The following UBAC2 variants were observed in gnomAD, a reference collection of about 807,000 sequenced individuals.
UBAC2 encodes ubiquitin-associated domain-containing protein 2.
UBAC2 carries 26 observed loss-of-function variants against 44.0 expected under a neutral mutation model. The ratio of observed to expected loss-of-function variants is 0.59; its 90% CI spans 0.43 to 0.82. The LOEUF is 0.82. Among genes scored for constraint, UBAC2 ranks in the 40% least tolerant of loss-of-function variants. The pLI, the probability that UBAC2 is intolerant of heterozygous loss-of-function variation, is 0.00. For synonymous variants in UBAC2, 155 were observed against 154.3 expected, an observed-to-expected ratio of 1.00 and a Z score of -0.04; for missense variants, 329 against 419.4, an observed-to-expected ratio of 0.78 and a Z score of 1.88.
intron 7 of UBAC2, among the ~76,000 whole-genome samples, chr13:99,359,537 T>C (rs1048494591): frequency 6.6e-6 from 1 of 152,192 alleles, no homozygotes; most frequent in African/African-American, 2.4e-5. Flanking sequence ...TATTTCCTTA[T>C]GGCCTGGGGT....
At position 99,345,827 on chromosome 13, in the gene UBAC2, C is replaced by CT. The variant is rs572515412; in HGVS notation, c.807+5263dup. Among the ~76,000 whole-genome samples, 339 of 150,000 alleles carry CT rather than the reference C, an allele frequency of 2.3e-3. 3 individuals are homozygous for CT. The highest frequency in any genetic ancestry group is 8.0e-3 in the South Asian group (38 of 4,740). ...GCGTGATCTTGGCTCACTGCAACCT[C>CT]TGTCTCCTGGCTTCAAGCAATTCTC... On this transcript the variant is annotated intron_variant, in intron 7 of 8. Transcript: ENST00000403766.
chr13:99,294,826 G>A, intron 4 of UBAC2: 1 of 382,702 alleles, frequency 2.6e-6, no homozygotes, highest in Non-Finnish European at 4.7e-6. Context: ...TCCTTTTGGT[G>A]TATTCGTTTA....
At chr13:99,255,032 GACAC>G in intron 4 of UBAC2, 1 of 1,614,172 alleles carries the variant, frequency 6.2e-7, no homozygotes, top group Non-Finnish European at 8.5e-7. Context: ...ATCACATCCA[GACAC>G]GTGCTGAGGT....
intron 7 of UBAC2, among the ~76,000 whole-genome samples, chr13:99,361,860 A>G (rs570515063): frequency 7.1e-4 from 108 of 152,300 alleles, no homozygotes; most frequent in Admixed American, 2.1e-3. Flanking sequence ...GACCAGACGC[A>G]ATGGTGCACA....
chr13:99,242,798 G>A (rs2043331320), intron 2 of UBAC2, among the ~76,000 whole-genome samples: 1 of 147,632 alleles, frequency 6.8e-6, no homozygotes, highest in Non-Finnish European at 1.5e-5. Context: ...CCCAGACGGG[G>A]TGGCTGCCGG....
chr13:99,201,720 A>C (rs1216613324), intron 1 of UBAC2, among the ~76,000 whole-genome samples: 1 of 152,228 alleles, frequency 6.6e-6, no homozygotes, highest in Non-Finnish European at 1.5e-5. Flanking sequence ...GTCACTGTTC[A>C]TACTCCATGT....
chr13:99,334,422 A>C (rs9517690), intron 6 of UBAC2, among the ~76,000 whole-genome samples: 38,414 of 152,118 alleles, frequency 0.25, 6,055 homozygotes, highest in Non-Finnish European at 0.35. Flanking sequence ...ATGTCATTTC[A>C]TTCAACGTCT....
At chr13:99,301,387 T>A (rs549649475) in intron 4 of UBAC2, among the ~76,000 whole-genome samples, 41 of 152,384 alleles carry the variant, frequency 2.7e-4, no homozygotes, top group African/African-American at 9.1e-4. Flanking sequence ...ATCCCAGTTT[T>A]GCCTCTGTAA....
intron 6 of UBAC2, among the ~76,000 whole-genome samples, chr13:99,334,942 T>C (rs542611202): frequency 6.6e-6 from 1 of 152,296 alleles, no homozygotes; most frequent in Non-Finnish European, 1.5e-5. Context: ...AGATATATTA[T>C]GGAGACAGTA....
chr13:99,367,530 A>G (rs1189462511), intron 7 of UBAC2, among the ~76,000 whole-genome samples: 1 of 152,210 alleles, frequency 6.6e-6, no homozygotes, highest in Non-Finnish European at 1.5e-5. Context: ...TGCCTTCCAG[A>G]GCCACAGTGC....
At chr13:99,230,437 C>G (rs2142707096) in intron 1 of UBAC2, among the ~76,000 whole-genome samples, 1 of 152,144 alleles carries the variant, frequency 6.6e-6, no homozygotes, top group African/African-American at 2.4e-5. Context: ...CCACTGCACT[C>G]CAGCCTGGGC....
intron 4 of UBAC2, among the ~76,000 whole-genome samples, chr13:99,248,732 G>T (rs914862589): frequency 5.9e-5 from 9 of 152,016 alleles, no homozygotes; most frequent in African/African-American, 2.2e-4. Flanking sequence ...TTGTTATTTT[G>T]CCCAGGCTGG....
rs1356003180 is a variant in UBAC2 at position 99,386,331 on chromosome 13, A to G, written c.*996A>G. 2 of 152,306 alleles carry G rather than the reference A, an allele frequency of 1.3e-5. No individual in the cohort carries two copies. Among genetic ancestry groups the G allele is most frequent in the African/African-American group, 2.4e-5 (1 of 41,474 alleles). 9.4% of individuals were successfully genotyped at this position (152,306 alleles called of 1,614,324 possible). A position where few individuals can be genotyped will look rare whatever the true frequency, so the allele number is the denominator to read the frequency against. ...AGACCCGAAGCAAGTTGACTCTTGC[A>G]ATGTGCAACTGTTATGTTCTGCAAA... On this transcript the variant is annotated 3_prime_UTR_variant, in exon 9 of 9. Coordinates refer to ENST00000403766, the MANE Select transcript of UBAC2 (RefSeq NM_001144072.2).
At chr13:99,338,047 C>CTTTTTCTTTTTTTTTTTTT in intron 6 of UBAC2, among the ~76,000 whole-genome samples, 1 of 48,852 alleles carries the variant, frequency 2.0e-5, no homozygotes, top group African/African-American at 7.1e-5. Flanking sequence ...TTCTTTTTTT[C>CTTTTTCTTTTTTTTTTTTT]TTTTTTTTTT....
At chr13:99,228,346 G>A (rs1343539552) in intron 1 of UBAC2, among the ~76,000 whole-genome samples, 1 of 151,282 alleles carries the variant, frequency 6.6e-6, no homozygotes, top group Non-Finnish European at 1.5e-5. Context: ...GGAGTGCAAT[G>A]GCACAATCTC....
At chr13:99,226,292 G>T (rs2043109242) in intron 1 of UBAC2, among the ~76,000 whole-genome samples, 1 of 152,184 alleles carries the variant, frequency 6.6e-6, no homozygotes, top group Non-Finnish European at 1.5e-5. Flanking sequence ...AGTTCTTCCA[G>T]TTGTCCAGAA....
At chr13:99,254,944 A>C in intron 4 of UBAC2, 3 of 1,614,084 alleles carry the variant, frequency 1.9e-6, no homozygotes. Context: ...TTTTCTGCGC[A>C]TGCTTCGAAG....
At chr13:99,330,771 C>T (rs2044706291) in intron 6 of UBAC2, among the ~76,000 whole-genome samples, 2 of 152,134 alleles carry the variant, frequency 1.3e-5, no homozygotes, top group Admixed American at 1.3e-4. Context: ...ACCATTGAGG[C>T]TGTATCTATA....
intron 1 of UBAC2, among the ~76,000 whole-genome samples, chr13:99,236,166 C>T (rs1005322461): frequency 5.9e-5 from 9 of 152,098 alleles, no homozygotes; most frequent in Non-Finnish European, 8.8e-5. Flanking sequence ...TGTGTAAGAT[C>T]TCAAAAGCAC....
Sources: allele counts gnomAD v4.1 joint callset (sites outside exome capture counted in the v4.1 genomes callset), GRCh38; gene constraint gnomAD v4.1.1; transcripts MANE v1.5; gene names NCBI Gene and HGNC (gene_info 2026-07-23, HGNC 2026-07-21).